Variants in COL27A1 observed in about 807,000 individuals in gnomAD.
The protein encoded by COL27A1 is collagen type XXVII alpha 1 chain.
COL27A1 carries 106 observed loss-of-function variants against 251.3 expected under a neutral mutation model. The ratio of observed to expected loss-of-function variants is 0.42; its 90% confidence interval spans 0.36 to 0.50. The LOEUF (loss-of-function observed/expected upper bound fraction) is 0.50, where lower values mean the gene tolerates loss of function less well. COL27A1 is among the 20% of genes least tolerant of loss of function. COL27A1 has a pLI of 0.00. For synonymous variants in COL27A1, 1,000 were observed against 986.3 expected, an observed-to-expected ratio of 1.01 and a Z score of -0.26; for missense variants, 2,325 against 2,522.8, an observed-to-expected ratio of 0.92 and a Z score of 1.68.
intron 37 of COL27A1, among the ~76,000 whole-genome samples, chr9:114,280,849 T>C (rs1342625764): frequency 1.3e-5 from 2 of 152,192 alleles, no homozygotes; most frequent in Non-Finnish European, 2.9e-5. Flanking sequence ...AGAGCAGACA[T>C]TTCTCCCTTG....
At chr9:114,301,254 C>T (rs952508811) in intron 52 of COL27A1, 30 bp from the exon 53 acceptor site, 1 of 1,611,590 alleles carries the variant, frequency 6.2e-7, no homozygotes, top group Non-Finnish European at 8.5e-7. Context: ...ACCTCTGGGC[C>T]CTGTCTCACT....
rs774710723 is a variant in COL27A1, at chr9:114,250,685, G to T, written c.3033+17G>T. The T allele has an allele frequency of 6.2e-7, 1 of 1,608,826 alleles. No homozygotes were observed. Among genetic ancestry groups the T allele is most frequent in the East Asian group, 2.2e-5 (1 of 44,842 alleles). ...GGAGAAAAGGTAAGTGGTGTTGAGG[G>T]GAAAAGATAAACAATTAGAGCTTGT... On this transcript the variant is annotated intron_variant, in intron 25 of 60. Coordinates refer to ENST00000356083, the MANE Select transcript of COL27A1 (RefSeq NM_032888.4).
chr9:114,170,447 TGTG>T (rs1849232363), intron 3 of COL27A1, among the ~76,000 whole-genome samples: 1 of 152,298 alleles, frequency 6.6e-6, no homozygotes, highest in Admixed American at 6.5e-5. Flanking sequence ...ATGACCACCG[TGTG>T]GTGGCCTCTC....
intron 13 of COL27A1, 104 bp from the exon 14 acceptor site, chr9:114,222,119 G>C (rs1377410197): frequency 1.0e-6 from 1 of 1,001,582 alleles, no homozygotes; most frequent in African/African-American, 1.6e-5. Flanking sequence ...GGAGTGTTCA[G>C]CTCTGAAAGA....
At chr9:114,297,998 T>A (rs1163074273) in intron 49 of COL27A1, among the ~76,000 whole-genome samples, 1 of 151,622 alleles carries the variant, frequency 6.6e-6, no homozygotes, top group African/African-American at 2.4e-5. Flanking sequence ...TAGGAAGAAA[T>A]CTAACAAAAG....
At chr9:114,218,878 C>A (rs1002040686) in intron 12 of COL27A1, among the ~76,000 whole-genome samples, 1 of 151,992 alleles carries the variant, frequency 6.6e-6, no homozygotes, top group Non-Finnish European at 1.5e-5. Context: ...AAAACAGGAT[C>A]ATCCTCCATG....
Position 114,206,260 on chromosome 9 carries a change from T to C in COL27A1, c.2232T>C (p.Pro744=). 6.2e-7 allele frequency: 1 copy of C among 1,614,128 alleles called. No individual in the cohort carries two copies. The highest frequency in any genetic ancestry group is 2.2e-5 in the East Asian group (1 of 44,872). The stretch of plus-strand genomic sequence containing the variant: ...TGTGTTTTGTGTTTCAGGGGTTACC[T>C]GGACCGGTAGGAGATCCCGGCCCCA... The part of the protein sequence containing the change: ...AKGYPGRQGL[P]GPVGDPGPKG... Residue 744 remains proline (P), a synonymous_variant, in exon 10 of 61, where the codon CCT becomes CCC. Transcript: ENST00000356083.
intron 36 of COL27A1, among the ~76,000 whole-genome samples, chr9:114,275,176 A>G (rs1448557646): frequency 6.6e-6 from 1 of 151,628 alleles, no homozygotes; most frequent in East Asian, 1.9e-4. Flanking sequence ...AGGCAGGAGG[A>G]TTGCTTGAGC....
chr9:114,212,923 G>A (rs1370368923), intron 12 of COL27A1, among the ~76,000 whole-genome samples: 3 of 152,212 alleles, frequency 2.0e-5, no homozygotes, highest in East Asian at 1.9e-4. Flanking sequence ...TTGCTTAGGC[G>A]ATCTCAGCTG....
chr9:114,181,503 C>G (rs143429376), intron 4 of COL27A1, among the ~76,000 whole-genome samples: 1 of 152,124 alleles, frequency 6.6e-6, no homozygotes. Flanking sequence ...ACAGTTAGCC[C>G]GATGAATCAA....
At chr9:114,291,661 A>G (rs555008503) in intron 48 of COL27A1, among the ~76,000 whole-genome samples, 6 of 152,260 alleles carry the variant, frequency 3.9e-5, no homozygotes, top group African/African-American at 1.4e-4. Context: ...AGGCAGGAGA[A>G]TCGCTTGAAT....
rs567828430 is a variant in COL27A1 at position 114,242,981 on chromosome 9, G to A, written c.2881-526G>A. On this transcript the variant is annotated intron_variant, in intron 22 of 60. Transcript: ENST00000356083. The stretch of plus-strand genomic sequence containing the variant: ...AGAAGTCAGCTGGCTTCTCAACTCC[G>A]CTTCTGCATTCAATCCACTGACAAT... Among the ~76,000 whole-genome samples the A allele has an allele frequency of 4.1e-4, 62 of 152,172 alleles. No individual in the cohort carries two copies. The South Asian group carries it at 5.4e-3, about 13-fold the overall frequency.
At chr9:114,309,643 A>C (rs1829312709) in intron 60 of COL27A1, among the ~76,000 whole-genome samples, 165 bp downstream of exon 60, 2 of 152,208 alleles carry the variant, frequency 1.3e-5, no homozygotes, top group Admixed American at 6.5e-5. Flanking sequence ...CAGTTTTCTA[A>C]AATCGTTTTT....
At chr9:114,245,760 T>C in intron 23 of COL27A1, 106 bp from the exon 24 acceptor site, 1 of 1,033,570 alleles carries the variant, frequency 9.7e-7, no homozygotes, top group Non-Finnish European at 1.5e-6. Context: ...AGATCCCTGG[T>C]TCATCCCCAC....
intron 57 of COL27A1, among the ~76,000 whole-genome samples, chr9:114,305,259 CAGAT>C (rs1828953996): frequency 6.6e-6 from 1 of 152,176 alleles, no homozygotes; most frequent in Non-Finnish European, 1.5e-5. Context: ...GATGCTGAGA[CAGAT>C]GGATGGCCAG....
chr9:114,279,512 C>A (rs1043653681), intron 37 of COL27A1, among the ~76,000 whole-genome samples: 1 of 152,128 alleles, frequency 6.6e-6, no homozygotes. Context: ...TTTCTAGTAG[C>A]CACCTTTAAA....
At chr9:114,218,304 A>G (rs1405316902) in intron 12 of COL27A1, 1 of 160,394 alleles carries the variant, frequency 6.2e-6, no homozygotes, top group East Asian at 1.8e-4. Flanking sequence ...TGATCTGGAA[A>G]CACACACACA....
intron 3 of COL27A1, among the ~76,000 whole-genome samples, chr9:114,176,880 A>G (rs779273940): frequency 1.1e-4 from 17 of 152,222 alleles, no homozygotes; most frequent in Non-Finnish European, 2.2e-4. Flanking sequence ...CACAGGCCAG[A>G]ACTGTGAGCC....
At chr9:114,300,892 C>T (rs1229731540) in intron 51 of COL27A1, among the ~76,000 whole-genome samples, 180 bp from the exon 52 acceptor site, 1 of 152,204 alleles carries the variant, frequency 6.6e-6, no homozygotes, top group African/African-American at 2.4e-5. Flanking sequence ...CCCCATCGCC[C>T]CACTCTTGAA....
Sources: gnomAD v4.1 joint callset for allele counts (sites outside exome capture counted in the v4.1 genomes callset) on GRCh38, gnomAD v4.1.1 for gene constraint, MANE v1.5 for transcripts, NCBI Gene and HGNC (gene_info 2026-07-23, HGNC 2026-07-21) for gene names.